CAMK2D: variants seen among roughly 807,000 people sequenced by gnomAD.
CAMK2D encodes calcium/calmodulin-dependent protein kinase type II subunit delta.
CAMK2D carries 37 observed loss-of-function variants against 84.0 expected under a neutral mutation model. The observed-to-expected ratio is 0.44, with a 90% confidence interval of 0.34 to 0.58. CAMK2D has a LOEUF of 0.58. CAMK2D is among the 20% of genes least tolerant of loss of function. CAMK2D has a pLI of 0.02. For missense variants in CAMK2D, 448 were observed against 652.5 expected, an observed-to-expected ratio of 0.69 and a Z score of 3.41; for synonymous variants, 202 against 212.5, an observed-to-expected ratio of 0.95 and a Z score of 0.43.
intron 4 of CAMK2D, among the ~76,000 whole-genome samples, chr4:113,598,990 A>C (rs528657037): frequency 6.6e-6 from 1 of 152,320 alleles, no homozygotes; most frequent in East Asian, 1.9e-4. Flanking sequence ...TCTAATAAAA[A>C]AATGGATGAA....
chr4:113,644,631 C>T (rs1020381990), intron 3 of CAMK2D, among the ~76,000 whole-genome samples: 13 of 152,106 alleles, frequency 8.5e-5, no homozygotes. Context: ...AGGTGTAAGG[C>T]TTTTTGTATC....
intron 19 of CAMK2D, chr4:113,456,991 C>T (rs933692689): frequency 4.7e-6 from 1 of 214,504 alleles, no homozygotes; most frequent in Non-Finnish European, 9.2e-6. Flanking sequence ...CTATGTTTTC[C>T]TCTGATATCC....
Position 113,717,811 on chromosome 4 carries a change from C to A in CAMK2D, c.160+41509G>T, listed in dbSNP as rs139708177. Among the ~76,000 whole-genome samples the A allele has an allele frequency of 3.4e-3, 521 of 151,990 alleles. 3 individuals are homozygous for A. The highest frequency in any genetic ancestry group is 0.012 in the African/African-American group (486 of 41,494). On this transcript the variant is annotated intron_variant, in intron 2 of 20. Transcript: ENST00000511664. The stretch of plus-strand genomic sequence containing the variant: ...TACTTACAGAATTATATTAATATAA[C>A]TATATTAAAGTTAGATTGCTGACCT...
chr4:113,511,672 A>G (rs1193940073), intron 12 of CAMK2D, among the ~76,000 whole-genome samples: 2 of 152,240 alleles, frequency 1.3e-5, no homozygotes, highest in Admixed American at 1.3e-4. Flanking sequence ...GAACTCACCC[A>G]TATAAATGTC....
At chr4:113,554,304 T>C (rs2098649563) in intron 4 of CAMK2D, among the ~76,000 whole-genome samples, 1 of 152,132 alleles carries the variant, frequency 6.6e-6, no homozygotes, top group Non-Finnish European at 1.5e-5. Context: ...GAACTTTACA[T>C]GAGCTTAAAA....
At chr4:113,500,542 C>T (rs370675621) in intron 15 of CAMK2D, 31 bp from the exon 16 acceptor site, 111 of 1,498,864 alleles carry the variant, frequency 7.4e-5, no homozygotes, top group Non-Finnish European at 9.5e-5. Context: ...TTTTAGGTTG[C>T]ACGCAATGAA....
At position 113,761,359 on chromosome 4, in the gene CAMK2D, G is replaced by C. The variant is rs1277268410; in HGVS notation, c.-291C>G. 5.1e-6 allele frequency: 7 copies of C among 1,365,400 alleles called. No individual in the cohort carries two copies. The highest frequency in any genetic ancestry group is 4.7e-6 in the Non-Finnish European group (5 of 1,055,732). 84.6% of individuals were successfully genotyped at this position (1,365,400 alleles called of 1,614,324 possible). A position where few individuals can be genotyped will look rare whatever the true frequency, so the allele number is the denominator to read the frequency against. On this transcript the variant is annotated 5_prime_UTR_variant, in exon 1 of 21. Coordinates refer to ENST00000511664, the MANE Select transcript of CAMK2D (RefSeq NM_001321571.2). ...TCCACCCGCCCCTTTTCCAGTCCCT[G>C]TCCCCAAATGCAGGGGGTAAAGTAC... is the stretch of plus-strand genomic sequence containing the variant.
rs568201723 is a variant in CAMK2D, at chr4:113,495,307, A to T, written c.1135+5156T>A. ...TGACATAATTATCAAAAGTCCCTCAATAAAATACCCAAGAGTTTCTTAATT... is the reference window on the plus strand; with the variant it reads ...TGACATAATTATCAAAAGTCCCTCATTAAAATACCCAAGAGTTTCTTAATT... On this transcript the variant is annotated intron_variant, in intron 16 of 20. Coordinates refer to ENST00000511664, the MANE Select transcript of CAMK2D (RefSeq NM_001321571.2). Among the ~76,000 whole-genome samples the T allele has an allele frequency of 5.9e-5, 9 of 152,350 alleles. No homozygotes were observed. In the South Asian group the frequency reaches 1.9e-3, roughly 32 times the overall value.
intron 3 of CAMK2D, among the ~76,000 whole-genome samples, chr4:113,610,696 G>T (rs998052345): frequency 6.6e-6 from 1 of 152,116 alleles, no homozygotes; most frequent in South Asian, 2.1e-4. Flanking sequence ...GCAGCCAACA[G>T]TTCAGTCTCA....
At chr4:113,458,803 G>A (rs2097335809) in intron 18 of CAMK2D, among the ~76,000 whole-genome samples, 1 of 152,162 alleles carries the variant, frequency 6.6e-6, no homozygotes, top group Non-Finnish European at 1.5e-5. Flanking sequence ...TATAATTACT[G>A]AAAGTGATGT....
intron 16 of CAMK2D, among the ~76,000 whole-genome samples, chr4:113,481,321 A>G (rs1413524970): frequency 1.3e-5 from 2 of 152,322 alleles, no homozygotes; most frequent in Admixed American, 6.5e-5. Flanking sequence ...ATATGGCTAT[A>G]AACAAAACAG....
chr4:113,655,261 A>G (rs1231755512), intron 3 of CAMK2D, among the ~76,000 whole-genome samples: 2 of 152,078 alleles, frequency 1.3e-5, no homozygotes, highest in Non-Finnish European at 2.9e-5. Flanking sequence ...GAATCTATAG[A>G]GCTTTCCATT....
Position 113,457,508 on chromosome 4 carries a change from A to T in CAMK2D, c.1362T>A (p.His454Gln), listed in dbSNP as rs1345028205. 6.8e-6 allele frequency: 11 copies of T among 1,613,418 alleles called. No homozygotes were observed. Among genetic ancestry groups the T allele is most frequent in the Non-Finnish European group, 9.3e-6 (11 of 1,179,408 alleles). ...TGCAGGCGGCATCATCCCCTACCAG[A>T]TGTACATGAGGGTTTAGAATAATAG... ...IHTIILNPHV[H>Q]LVGDDAACIA... Residue 454 changes from histidine to glutamine, a missense_variant, in exon 19 of 21, where the codon CAT (histidine) becomes CAA (glutamine). His to Gln is a conservative substitution (Grantham distance 24, BLOSUM62 0). Transcript: ENST00000511664.
intron 4 of CAMK2D, among the ~76,000 whole-genome samples, chr4:113,555,679 C>T (rs1425150479): frequency 1.3e-5 from 2 of 152,186 alleles, no homozygotes; most frequent in African/African-American, 4.8e-5. Context: ...GCGTCACCTG[C>T]ATGGTCATCC....
chr4:113,520,819 G>T (rs1560679896), intron 8 of CAMK2D, among the ~76,000 whole-genome samples: 1 of 152,128 alleles, frequency 6.6e-6, no homozygotes, highest in Non-Finnish European at 1.5e-5. Flanking sequence ...CTTGAGCCCA[G>T]GAGTTCAAGA....
At chr4:113,542,036 A>G (rs1314541268) in intron 6 of CAMK2D, among the ~76,000 whole-genome samples, 1 of 152,200 alleles carries the variant, frequency 6.6e-6, no homozygotes, top group Non-Finnish European at 1.5e-5. Flanking sequence ...TTCTATTGCT[A>G]TGCATATATG....
chr4:113,476,968 T>A (rs1436290416), intron 16 of CAMK2D, among the ~76,000 whole-genome samples: 1 of 152,078 alleles, frequency 6.6e-6, no homozygotes, highest in African/African-American at 2.4e-5. Flanking sequence ...AGCAGCACCC[T>A]TTCCCTAGCC....
intron 15 of CAMK2D, among the ~76,000 whole-genome samples, chr4:113,500,939 C>A (rs959762629): frequency 1.3e-5 from 2 of 151,940 alleles, no homozygotes; most frequent in African/African-American, 4.8e-5. Flanking sequence ...ATAAAGAGTA[C>A]CTTCTTTGCG....
chr4:113,576,649 G>GA (rs1207012151), intron 4 of CAMK2D, among the ~76,000 whole-genome samples: 1 of 151,740 alleles, frequency 6.6e-6, no homozygotes. Context: ...AAAATTAATA[G>GA]AAAAAACAAA....
Sources: gnomAD v4.1 joint callset for allele counts (sites outside exome capture counted in the v4.1 genomes callset) on GRCh38, gnomAD v4.1.1 for gene constraint, MANE v1.5 for transcripts, NCBI Gene and HGNC (gene_info 2026-07-23, HGNC 2026-07-21) for gene names.